Variants in GRIK2 observed in about 807,000 individuals in gnomAD.
The protein encoded by GRIK2 is glutamate ionotropic receptor kainate type subunit 2.
GRIK2 carries 32 observed loss-of-function variants against 100.3 expected under a neutral mutation model. That is an observed-to-expected ratio of 0.32 (90% CI 0.24 to 0.43). The LOEUF (loss-of-function observed/expected upper bound fraction) is 0.43, where lower values mean the gene tolerates loss of function less well. Ranked by LOEUF, GRIK2 falls within the 20% of genes least tolerant of loss-of-function variation. GRIK2 has a pLI of 1.00. For missense variants in GRIK2, 843 were observed against 1,114.9 expected, an observed-to-expected ratio of 0.76 and a Z score of 3.47; for synonymous variants, 417 against 389.4, an observed-to-expected ratio of 1.07 and a Z score of -0.83.
At chr6:101,602,496 T>G (rs1779264618) in intron 2 of GRIK2, among the ~76,000 whole-genome samples, 1 of 151,462 alleles carries the variant, frequency 6.6e-6, no homozygotes, top group African/African-American at 2.4e-5. Context: ...TATTTCATTA[T>G]TTCTTACATT....
intron 12 of GRIK2, among the ~76,000 whole-genome samples, chr6:101,921,707 T>C (rs1009007106): frequency 6.6e-6 from 1 of 151,994 alleles, no homozygotes; most frequent in Non-Finnish European, 1.5e-5. Flanking sequence ...TGTTGGGAGA[T>C]ATTGCTTGAA....
At chr6:101,518,575 C>G (rs1315782712) in intron 2 of GRIK2, among the ~76,000 whole-genome samples, 1 of 152,004 alleles carries the variant, frequency 6.6e-6, no homozygotes, top group Non-Finnish European at 1.5e-5. Flanking sequence ...ATTAAAGGTA[C>G]CAAATAGCAT....
At chr6:101,896,050 AAAT>A (rs1381928740) in intron 12 of GRIK2, among the ~76,000 whole-genome samples, 2 of 151,734 alleles carry the variant, frequency 1.3e-5, no homozygotes, top group African/African-American at 4.8e-5. Flanking sequence ...CTTCTGCACT[AAAT>A]AATATTTTTA....
At chr6:101,510,109 A>G (rs2749057) in intron 2 of GRIK2, among the ~76,000 whole-genome samples, 92,825 of 152,014 alleles carry the variant, frequency 0.61, 29,537 homozygotes, top group African/African-American at 0.79. Context: ...TTTTAAAGAG[A>G]TATAGGTAAA....
chr6:101,684,684 C>T (rs1029384764), intron 6 of GRIK2, among the ~76,000 whole-genome samples: 1 of 148,088 alleles, frequency 6.8e-6, no homozygotes, highest in East Asian at 2.0e-4. Context: ...CAAAAGCCAT[C>T]AGAAATGAAG....
intron 2 of GRIK2, among the ~76,000 whole-genome samples, chr6:101,480,517 C>T (rs1373878316): frequency 6.6e-6 from 1 of 152,098 alleles, no homozygotes; most frequent in South Asian, 2.1e-4. Context: ...TACAAAGCCT[C>T]ACTGTTGCTT....
At chr6:101,614,287 C>A (rs144981781) in intron 2 of GRIK2, among the ~76,000 whole-genome samples, 30 of 151,774 alleles carry the variant, frequency 2.0e-4, no homozygotes, top group African/African-American at 7.0e-4. Flanking sequence ...TGTCCATTTT[C>A]TTTTCCCCCC....
chr6:101,590,678 C>T (rs576170294), intron 2 of GRIK2, among the ~76,000 whole-genome samples: 11 of 152,126 alleles, frequency 7.2e-5, no homozygotes, highest in East Asian at 1.9e-4. Flanking sequence ...CTCTTCCTAA[C>T]GAGATCTTAA....
At chr6:101,601,144 G>A (rs901974016) in intron 2 of GRIK2, among the ~76,000 whole-genome samples, 3 of 145,104 alleles carry the variant, frequency 2.1e-5, no homozygotes, top group African/African-American at 7.5e-5. Flanking sequence ...TTTTTATCAT[G>A]AAGAGATGTT....
intron 2 of GRIK2, among the ~76,000 whole-genome samples, chr6:101,486,486 G>A (rs1025387689): frequency 1.3e-5 from 2 of 152,034 alleles, no homozygotes; most frequent in African/African-American, 4.8e-5. Flanking sequence ...AGACATTTGA[G>A]CAAGGAACTA....
At chr6:101,898,240 T>G (rs954006239) in intron 12 of GRIK2, among the ~76,000 whole-genome samples, 13 of 151,806 alleles carry the variant, frequency 8.6e-5, no homozygotes, top group African/African-American at 3.1e-4. Flanking sequence ...TAATTTTAAC[T>G]TATTATGAAG....
At chr6:101,394,303 G>A (rs1774915670) in intron 1 of GRIK2, among the ~76,000 whole-genome samples, 1 of 152,084 alleles carries the variant, frequency 6.6e-6, no homozygotes. Context: ...TATTTTAACC[G>A]GCACCCGTAT....
At chr6:101,597,269 G>C (rs538239389) in intron 2 of GRIK2, among the ~76,000 whole-genome samples, 2 of 151,532 alleles carry the variant, frequency 1.3e-5, no homozygotes, top group African/African-American at 4.8e-5. Flanking sequence ...AAACCTGTTA[G>C]GTACTATGCT....
chr6:101,489,721 A>G (rs1357752174), intron 2 of GRIK2, among the ~76,000 whole-genome samples: 2 of 146,324 alleles, frequency 1.4e-5, no homozygotes, highest in East Asian at 1.9e-4. Context: ...GTATGATTTT[A>G]AGGACTCCAG....
intron 2 of GRIK2, among the ~76,000 whole-genome samples, chr6:101,620,919 C>G (rs1780125750): frequency 6.6e-6 from 1 of 152,050 alleles, no homozygotes; most frequent in South Asian, 2.1e-4. Flanking sequence ...AGTGAGGGAA[C>G]TGGAATGAGA....
chr6:101,858,437 G>C (rs999768939), intron 10 of GRIK2, among the ~76,000 whole-genome samples: 80 of 117,234 alleles, frequency 6.8e-4, no homozygotes, highest in African/African-American at 2.6e-3. Flanking sequence ...ACCCAGACTT[G>C]AGTGCAGTGA....
At chr6:101,595,051 G>A (rs189283501) in intron 2 of GRIK2, among the ~76,000 whole-genome samples, 34 of 151,644 alleles carry the variant, frequency 2.2e-4, no homozygotes, top group East Asian at 9.7e-4. Flanking sequence ...TTAAGGTACC[G>A]AGAAACCTCA....
intron 2 of GRIK2, among the ~76,000 whole-genome samples, chr6:101,461,571 T>G (rs1036350566): frequency 6.6e-6 from 1 of 152,200 alleles, no homozygotes; most frequent in African/African-American, 2.4e-5. Context: ...TTCATTTGAT[T>G]AGATGGAACT....
chr6:101,865,340 G>T (rs1203667156), intron 11 of GRIK2, among the ~76,000 whole-genome samples: 2 of 152,150 alleles, frequency 1.3e-5, no homozygotes, highest in African/African-American at 4.8e-5. Flanking sequence ...ATTCATAAAT[G>T]AGCCTTGGAG....
Sources: gnomAD v4.1 joint callset for allele counts (sites outside exome capture counted in the v4.1 genomes callset) on GRCh38, gnomAD v4.1.1 for gene constraint, MANE v1.5 for transcripts, NCBI Gene and HGNC (gene_info 2026-07-23, HGNC 2026-07-21) for gene names.